Variants in ZNF432 observed in about 807,000 individuals in gnomAD.
ZNF432 encodes the protein zinc finger protein 432.
ZNF432 carries 10 observed loss-of-function variants against 13.9 expected under a neutral mutation model. That is an observed-to-expected ratio of 0.72 (90% confidence interval 0.44 to 1.22). ZNF432 has a LOEUF of 1.22. Ranked by LOEUF, ZNF432 falls within the 50% of genes most tolerant of loss-of-function variation. ZNF432 has a pLI of 0.00. For synonymous variants in ZNF432, 247 were observed against 256.2 expected (o/e 0.96, Z 0.34); for missense variants, 793 against 796.2 (o/e 1.00, Z 0.05).
rs764749937 is a variant in ZNF432, at chr19:52,034,811, T to G, written c.868A>C (p.Ile290Leu). Residue 290 changes from isoleucine to leucine, a missense_variant, in exon 5 of 5, where the codon ATA (isoleucine) becomes CTA (leucine). Transcript: ENST00000221315. Reference protein sequence around the residue: ...QRTHTGEKPYICNECGKGFPG... With the variant: ...QRTHTGEKPYLCNECGKGFPG... ...AAGCCTTTTCCACATTCATTGCATA[T>G]GTAGGGTTTCTCTCCAGTATGAGTT... is the stretch of plus-strand genomic sequence containing the variant. The G allele has an allele frequency of 1.2e-6, 2 of 1,613,094 alleles. No homozygotes were observed. The highest frequency in any genetic ancestry group is 1.3e-5 in the African/African-American group (1 of 74,996).
intron 3 of ZNF432, among the ~76,000 whole-genome samples, chr19:52,040,924 T>TA (rs1327446055): frequency 6.7e-6 from 1 of 148,508 alleles, no homozygotes; most frequent in Non-Finnish European, 1.5e-5. Context: ...CTGGGCAACA[T>TA]AGACTCCATC....
At position 52,041,490 on chromosome 19, in the gene ZNF432, C is replaced by T. The variant is rs199764984; in HGVS notation, c.132G>A (p.Leu44=). ...RDVMLEIYSN[L]LSMGYQVSKP... is the part of the protein sequence containing the mutation. ...AGCAGCTGTCCTCACCCATTGATAG[C>T]AGGTTGCTGTAGATCTCCAACATCA... Residue 44 remains leucine (L), a synonymous_variant, in exon 3 of 5, where the codon CTG becomes CTA. Coordinates refer to ENST00000221315, the MANE Select transcript of ZNF432 (RefSeq NM_014650.4). 4.4e-6 allele frequency: 7 copies of T among 1,603,362 alleles called. No homozygotes were observed. In the African/African-American group the frequency reaches 8.0e-5, roughly 18 times the overall value.
In ZNF432 at chr19:52,041,526, C is replaced by T; in HGVS notation, c.96G>A (p.Leu32=). ...WQLLGPFQKD[L]YRDVMLEIYS... ...AGATCTCCAACATCACATCCCGGTACAAATCCTTCTGAAAAGGGCCCAGGA... is the reference window on the plus strand; with the variant it reads ...AGATCTCCAACATCACATCCCGGTATAAATCCTTCTGAAAAGGGCCCAGGA... The change falls in exon 3 of 5, where the codon TTG becomes TTA. Residue 32 remains leucine (L), a synonymous_variant. Transcript: ENST00000221315. 2 of 1,612,186 alleles carry T rather than the reference C, an allele frequency of 1.2e-6. No individual in the cohort carries two copies. The highest frequency in any genetic ancestry group is 1.7e-6 in the Non-Finnish European group (2 of 1,179,070).
chr19:52,034,138 A>G lies in ZNF432; in HGVS notation c.1541T>C (p.Ile514Thr). ...QRTHTGEKPY[I>T]CNECGKGFAF... ...AAAACCTTTTCCACATTCATTGCAT[A>G]TGTACGGTTTCTCTCCAGTATGAGT... Residue 514 changes from isoleucine (I) to threonine (T), a missense_variant, in exon 5 of 5, where the codon ATA becomes ACA. By Grantham distance (89) the Ile-to-Thr change is moderately conservative. Transcript: ENST00000221315. 1 of 1,613,980 alleles carries G rather than the reference A, an allele frequency of 6.2e-7. No homozygotes were observed. Among genetic ancestry groups the G allele is most frequent in the African/African-American group, 1.3e-5 (1 of 75,000 alleles).
intron 4 of ZNF432, among the ~76,000 whole-genome samples, chr19:52,040,030 A>T (rs1411909254): frequency 6.6e-6 from 1 of 152,138 alleles, no homozygotes; most frequent in Non-Finnish European, 1.5e-5. Flanking sequence ...TATGGTATGT[A>T]AATTATCTAA....
chr19:52,037,554 T>C (rs2087094541), intron 4 of ZNF432, among the ~76,000 whole-genome samples: 1 of 152,082 alleles, frequency 6.6e-6, no homozygotes, highest in Non-Finnish European at 1.5e-5. Flanking sequence ...CCCAGCACTT[T>C]AGGAGGTCAA....
chr19:52,040,323 T>C, intron 4 of ZNF432, 165 bp downstream of exon 4: 1 of 666,392 alleles, frequency 1.5e-6, no homozygotes, highest in South Asian at 1.7e-5. Flanking sequence ...AGATGTATGG[T>C]ACTAAAGGAG....
At chr19:52,039,402 G>T (rs1013540210) in intron 4 of ZNF432, among the ~76,000 whole-genome samples, 73 of 152,192 alleles carry the variant, frequency 4.8e-4, no homozygotes, top group African/African-American at 1.7e-3. Flanking sequence ...ACAATAAAAA[G>T]AAATTAAGCA....
chr19:52,044,603 G>A (rs2087164951), intron 2 of ZNF432, among the ~76,000 whole-genome samples: 1 of 151,838 alleles, frequency 6.6e-6, no homozygotes, highest in African/African-American at 2.4e-5. Context: ...AAATCCAGTT[G>A]GCCAAGAAAT....
chr19:52,044,024 G>C (rs1217911938), intron 2 of ZNF432, among the ~76,000 whole-genome samples: 2 of 151,864 alleles, frequency 1.3e-5, no homozygotes, highest in Non-Finnish European at 2.9e-5. Context: ...TTGTCTCTGT[G>C]TCTTTTTCTT....
intron 1 of ZNF432, 116 bp from the exon 2 acceptor site, chr19:52,047,176 A>C (rs1367309088): frequency 2.7e-6 from 1 of 375,622 alleles, no homozygotes; most frequent in Admixed American, 4.4e-5. Flanking sequence ...ATGTAGGCCA[A>C]ATGCCTTTCT....
intron 4 of ZNF432, among the ~76,000 whole-genome samples, chr19:52,038,452 G>A (rs536778041): frequency 1.1e-4 from 16 of 152,234 alleles, no homozygotes; most frequent in Non-Finnish European, 1.6e-4. Context: ...CACCATGCCC[G>A]GCTAATTTTG....
Position 52,033,064 on chromosome 19 carries a change from T to G in ZNF432, c.*656A>C, listed in dbSNP as rs2123140054. The G allele has an allele frequency of 6.6e-6, 1 of 152,408 alleles. No individual in the cohort carries two copies. Among genetic ancestry groups the G allele is most frequent in the South Asian group, 2.1e-4 (1 of 4,832 alleles). 9.4% of individuals were successfully genotyped at this position (152,408 alleles called of 1,614,324 possible). A position where few individuals can be genotyped will look rare whatever the true frequency, so the allele number is the denominator to read the frequency against. ...TCCTAGCCTACTCCTTTGTAAGATT[T>G]ATCTCAGTAAATACTTTTCAAGACA... On this transcript the variant is annotated 3_prime_UTR_variant, in exon 5 of 5. Coordinates refer to ENST00000221315, the MANE Select transcript of ZNF432 (RefSeq NM_014650.4).
intron 4 of ZNF432, among the ~76,000 whole-genome samples, chr19:52,037,627 A>T (rs554879971): frequency 6.6e-6 from 1 of 152,036 alleles, no homozygotes; most frequent in Admixed American, 6.6e-5. Context: ...TGAAACACAA[A>T]ATACAAAAAT....
rs1309873702 is a variant in ZNF432, at chr19:52,032,573, T to A, written c.*1147A>T. ...AGCTTAGCCTCCAGAGTAGCTGGGA[T>A]TACAAGCGTGAGCCACCATGCTCGG... On this transcript the variant is annotated 3_prime_UTR_variant, in exon 5 of 5. Transcript: ENST00000221315. The A allele has an allele frequency of 6.6e-6, 1 of 151,788 alleles. No homozygotes were observed. Among genetic ancestry groups the A allele is most frequent in the African/African-American group, 2.4e-5 (1 of 41,296 alleles). 9.4% of individuals were successfully genotyped at this position (151,788 alleles called of 1,614,324 possible). A position where few individuals can be genotyped will look rare whatever the true frequency, so the allele number is the denominator to read the frequency against.
rs142827442 is a variant in ZNF432 at position 52,038,946 on chromosome 19, T to C, written c.238+1542A>G. Among the ~76,000 whole-genome samples, 79 of 152,390 alleles carry C rather than the reference T, an allele frequency of 5.2e-4. 3 individuals are homozygous for C. In the East Asian group the frequency reaches 0.011, roughly 21 times the overall value. ...GGGGCTTTGGCCCATGCCATATCAC[T>C]TCCAGCCTTTGGAAAAACTGGACAC... is the stretch of plus-strand genomic sequence containing the variant. On this transcript the variant is annotated intron_variant, in intron 4 of 4. Transcript: ENST00000221315.
At chr19:52,047,966 C>G (rs2087202939) in intron 1 of ZNF432, among the ~76,000 whole-genome samples, 1 of 151,990 alleles carries the variant, frequency 6.6e-6, no homozygotes, top group African/African-American at 2.4e-5. Flanking sequence ...TCATCCGCCC[C>G]CCTTCACCCC....
In ZNF432 at chr19:52,046,854, C is replaced by T. The variant is rs1342276985; in HGVS notation, c.15G>A (p.Gln5=). The change falls in exon 2 of 5, where the codon CAG becomes CAA. Residue 5 remains glutamine (Q), a splice_region_variant and synonymous_variant. Transcript: ENST00000221315. ...GAGAATAAAATAGAGAAAAAGTCAC[C>T]TGGGCATTGATCATTTTCTTCTGTT... MINA[Q]ELLTLEDVTV... is the part of the protein sequence containing the mutation. 5.0e-6 allele frequency: 8 copies of T among 1,613,498 alleles called. No individual in the cohort carries two copies. The highest frequency in any genetic ancestry group is 1.3e-5 in the African/African-American group (1 of 74,908).
chr19:52,039,828 C>CAAAAAAAAAAAAAAAAAAAAA (rs562794463), intron 4 of ZNF432, among the ~76,000 whole-genome samples: 1 of 52,380 alleles, frequency 1.9e-5, no homozygotes, highest in Non-Finnish European at 4.1e-5. Flanking sequence ...GACTCCATCT[C>CAAAAAAAAAAAAAAAAAAAAA]AAAAAAAAAA....
Sources: allele counts gnomAD v4.1 joint callset (sites outside exome capture counted in the v4.1 genomes callset), GRCh38; gene constraint gnomAD v4.1.1; transcripts MANE v1.5; gene names NCBI Gene and HGNC (gene_info 2026-07-23, HGNC 2026-07-21).